DCBLD1: variants seen among roughly 807,000 people sequenced by gnomAD.
The protein encoded by DCBLD1 is discoidin, CUB and LCCL domain containing 1.
Under a neutral mutation model 71.5 loss-of-function variants are expected in DCBLD1, and 57 were observed. The ratio of observed to expected loss-of-function variants is 0.80; its 90% CI spans 0.64 to 0.99. The LOEUF (loss-of-function observed/expected upper bound fraction) is 0.99, where lower values mean the gene tolerates loss of function less well. Among genes scored for constraint, DCBLD1 ranks in the 50% least tolerant of loss-of-function variants. The pLI is 0.00. For synonymous variants in DCBLD1, 380 were observed against 363.8 expected, an observed-to-expected ratio of 1.04 and a Z score of -0.51; for missense variants, 891 against 923.5, an observed-to-expected ratio of 0.96 and a Z score of 0.46.
chr6:117,535,838 G>A (rs904404688), intron 6 of DCBLD1, among the ~76,000 whole-genome samples: 6 of 152,170 alleles, frequency 3.9e-5, no homozygotes, highest in African/African-American at 7.2e-5. Flanking sequence ...TATGATTAGC[G>A]CCTTTCTTTA....
At chr6:117,528,146 C>A (rs1190540147) in intron 5 of DCBLD1, among the ~76,000 whole-genome samples, 2 of 151,986 alleles carry the variant, frequency 1.3e-5, no homozygotes, top group African/African-American at 4.8e-5. Flanking sequence ...TTGTACACAC[C>A]CAGAAAAAGC....
chr6:117,544,186 G>A (rs1164110052), intron 12 of DCBLD1: 1 of 202,414 alleles, frequency 4.9e-6, no homozygotes. Flanking sequence ...TTGGACTGGA[G>A]TATAGTAGAG....
intron 14 of DCBLD1, among the ~76,000 whole-genome samples, chr6:117,563,664 G>A (rs1554193595): frequency 6.6e-6 from 1 of 151,788 alleles, no homozygotes; most frequent in Non-Finnish European, 1.5e-5. Flanking sequence ...GGAGGTTGCA[G>A]TGAGCTGAGA....
intron 1 of DCBLD1, among the ~76,000 whole-genome samples, chr6:117,501,810 G>C (rs1056624908): frequency 6.6e-6 from 1 of 152,142 alleles, no homozygotes; most frequent in Non-Finnish European, 1.5e-5. Flanking sequence ...CCAACTGCCA[G>C]GGAGCCCAAG....
At chr6:117,501,846 A>G (rs1777672237) in intron 1 of DCBLD1, among the ~76,000 whole-genome samples, 1 of 152,086 alleles carries the variant, frequency 6.6e-6, no homozygotes, top group Admixed American at 6.5e-5. Context: ...CTCAAACTTA[A>G]CCAAACTTAC....
intron 9 of DCBLD1, chr6:117,540,332 A>G: frequency 4.7e-6 from 1 of 212,664 alleles, no homozygotes. Context: ...AGGAAATGGC[A>G]AAAGTGAGAG....
In DCBLD1 at chr6:117,503,811, A is replaced by G. The variant is rs1209501268; in HGVS notation, c.157A>G (p.Met53Val). The G allele has an allele frequency of 6.2e-6, 10 of 1,614,104 alleles. No homozygotes were observed. Among genetic ancestry groups the G allele is most frequent in the East Asian group, 2.2e-5 (1 of 44,866 alleles). The part of the protein sequence containing the change: ...HLVTYQDSGT[M>V]TSKNYPGTYP... ...AGTGACTTATCAGGATAGTGGCACAATGACATCTAAGAATTATCCCGGGAC... is the reference window on the plus strand; with the variant it reads ...AGTGACTTATCAGGATAGTGGCACAGTGACATCTAAGAATTATCCCGGGAC... The change falls in exon 2 of 15, where the codon ATG becomes GTG. Residue 53 changes from methionine (M) to valine (V), a missense_variant. By Grantham distance (21) the Met-to-Val change is conservative (BLOSUM62 1). Coordinates refer to ENST00000338728, the MANE Select transcript of DCBLD1 (RefSeq NM_001366458.2).
chr6:117,520,066 G>A (rs1778335536), intron 3 of DCBLD1, 116 bp downstream of exon 3: 1 of 1,476,416 alleles, frequency 6.8e-7, no homozygotes, highest in South Asian at 1.2e-5. Flanking sequence ...TAAGATATGA[G>A]GGAGAAGAGG....
Position 117,557,635 on chromosome 6 carries a change from G to A in DCBLD1, c.1616-11985G>A, listed in dbSNP as rs574402364. 1.9e-3 allele frequency among the ~76,000 whole-genome samples: 286 copies of A among 152,064 alleles called. 3 individuals carry two copies. Among genetic ancestry groups the A allele is most frequent in the African/African-American group, 6.7e-3 (278 of 41,492 alleles). On this transcript the variant is annotated intron_variant, in intron 14 of 14. Coordinates refer to the DCBLD1 transcript ENST00000296955. ...AAAAATTAGCCAGGCGTGGTGGCACGCACCTGTAATCCCAGCTACTTGTGA... is the reference window on the plus strand; with the variant it reads ...AAAAATTAGCCAGGCGTGGTGGCACACACCTGTAATCCCAGCTACTTGTGA...
chr6:117,534,878 T>C (rs1199648387), intron 6 of DCBLD1, among the ~76,000 whole-genome samples: 1 of 152,098 alleles, frequency 6.6e-6, no homozygotes, highest in East Asian at 1.9e-4. Flanking sequence ...ATATTCCATA[T>C]AATTATTTGT....
chr6:117,533,638 C>T (rs117302627), intron 6 of DCBLD1, among the ~76,000 whole-genome samples: 1,813 of 152,312 alleles, frequency 0.012, 16 homozygotes, highest in Middle Eastern at 0.024. Context: ...AACCGACTTA[C>T]GAACTCACAT....
intron 1 of DCBLD1, chr6:117,494,745 A>G (rs1302376603): frequency 1.3e-5 from 2 of 152,210 alleles, no homozygotes; most frequent in African/African-American, 4.8e-5. Flanking sequence ...TAACTTCAGT[A>G]TCATTTTTAG....
At chr6:117,496,687 T>C (rs1777480547) in intron 1 of DCBLD1, among the ~76,000 whole-genome samples, 1 of 152,256 alleles carries the variant, frequency 6.6e-6, no homozygotes, top group South Asian at 2.1e-4. Flanking sequence ...AATGAAATCA[T>C]GTTTTTAGAA....
chr6:117,483,066 G>A (rs1023333047), intron 1 of DCBLD1, among the ~76,000 whole-genome samples, 173 bp downstream of exon 1: 7 of 152,042 alleles, frequency 4.6e-5, no homozygotes, highest in Non-Finnish European at 1.0e-4. Context: ...GGCTCTACCC[G>A]CGGGGCTGGG....
chr6:117,497,877 A>G (rs1168705304), intron 1 of DCBLD1, among the ~76,000 whole-genome samples: 1 of 152,174 alleles, frequency 6.6e-6, no homozygotes, highest in East Asian at 1.9e-4. Flanking sequence ...ATTATAGAAT[A>G]TTTAGAGGAA....
At chr6:117,550,085 C>G (rs1434102025), downstream of DCBLD1, among the ~76,000 whole-genome samples, 1 of 152,064 alleles carries the variant, frequency 6.6e-6, no homozygotes, top group Non-Finnish European at 1.5e-5. Context: ...GTCCTTTTTT[C>G]TAATGTAAGC....
intron 8 of DCBLD1, 116 bp from the exon 9 acceptor site, chr6:117,539,139 C>A: frequency 1.0e-6 from 1 of 957,168 alleles, no homozygotes; most frequent in Non-Finnish European, 1.5e-6. Flanking sequence ...ATAAGTTGGC[C>A]TGTGAGATGA....
Position 117,503,781 on chromosome 6 carries a change from C to A in DCBLD1, c.127C>A (p.His43Asn), listed in dbSNP as rs748660738. ...TTCTTTACCAGGTGATGGCTGTGGA[C>A]ACCTAGTGACTTATCAGGATAGTGG... ...QAEELGDGCG[H>N]LVTYQDSGTM... Residue 43 changes from histidine (H) to asparagine (N), a missense_variant, in exon 2 of 15, where the codon CAC becomes AAC. His to Asn is a moderately conservative substitution (Grantham distance 68). Transcript: ENST00000338728. 1.9e-6 allele frequency: 3 copies of A among 1,614,000 alleles called. No individual in the cohort carries two copies. The highest frequency in any genetic ancestry group is 1.6e-4 in the Middle Eastern group (1 of 6,062).
At chr6:117,541,945 C>G (rs576686344) in intron 11 of DCBLD1, among the ~76,000 whole-genome samples, 1 of 152,076 alleles carries the variant, frequency 6.6e-6, no homozygotes, top group East Asian at 1.9e-4. Flanking sequence ...TTGACCATTC[C>G]CCTGCTGTTG....
Sources: gnomAD v4.1 joint callset for allele counts (sites outside exome capture counted in the v4.1 genomes callset) on GRCh38, gnomAD v4.1.1 for gene constraint, MANE v1.5 for transcripts, NCBI Gene and HGNC (gene_info 2026-07-23, HGNC 2026-07-21) for gene names.